The following ANK3 variants were observed in gnomAD, a reference collection of about 807,000 sequenced individuals.
ANK3 encodes the protein ankyrin 3, also known as ankyrin-3.
ANK3 carries 57 observed loss-of-function variants against 370.9 expected under a neutral mutation model. The observed-to-expected ratio is 0.15, with a 90% CI of 0.12 to 0.19. The LOEUF (loss-of-function observed/expected upper bound fraction) is 0.19, where lower values mean the gene tolerates loss of function less well. ANK3 is among the 10% of genes least tolerant of loss of function. The pLI, the probability that ANK3 is intolerant of heterozygous loss-of-function variation, is 1.00. For synonymous variants in ANK3, 1,929 were observed against 1,946.3 expected (o/e 0.99, Z 0.23); for missense variants, 4,439 against 5,302.1 (o/e 0.84, Z 5.06).
At chr10:60,626,573 C>A (rs1311726675) in intron 1 of ANK3, among the ~76,000 whole-genome samples, 2 of 152,122 alleles carry the variant, frequency 1.3e-5, no homozygotes, top group East Asian at 3.9e-4. Context: ...TCCAAGAAGA[C>A]CTTGGAAATT....
rs376674037 is a variant in ANK3, at chr10:60,206,507, T to C, written c.1195-617A>G. On this transcript the variant is annotated intron_variant, in intron 10 of 43. Coordinates refer to ENST00000280772, the MANE Select transcript of ANK3 (RefSeq NM_020987.5). ...AAATAATAATAATATGTCCCTCCTC[T>C]ACCTCATTTCAAATACAGACTGAAA... Among the ~76,000 whole-genome samples the C allele has an allele frequency of 4.6e-5, 7 of 152,300 alleles. No homozygotes were observed. In the East Asian group the frequency reaches 7.7e-4, roughly 17 times the overall value.
chr10:60,526,426 T>C (rs967326823), intron 2 of ANK3, among the ~76,000 whole-genome samples: 4 of 152,140 alleles, frequency 2.6e-5, no homozygotes, highest in Non-Finnish European at 5.9e-5. Context: ...CTTCTATACA[T>C]TGGAGTCCCT....
chr10:60,172,422 G>C lies in ANK3; in HGVS notation c.2383-19C>G. On this transcript the variant is annotated intron_variant, in intron 20 of 43. Transcript: ENST00000280772. ...TCCCATTCTGGCAAAAGGAAAATGT[G>C]AGTGAGGAATTAGCAAGCCTTATTC... The C allele has an allele frequency of 1.9e-6, 3 of 1,607,134 alleles. No homozygotes were observed. Among genetic ancestry groups the C allele is most frequent in the Non-Finnish European group, 2.6e-6 (3 of 1,173,828 alleles).
intron 1 of ANK3, among the ~76,000 whole-genome samples, chr10:60,632,740 A>G (rs529778538): frequency 6.6e-6 from 1 of 152,178 alleles, no homozygotes; most frequent in Admixed American, 6.5e-5. Context: ...ATTCAGTAAC[A>G]TTAGCCAGGC....
intron 2 of ANK3, among the ~76,000 whole-genome samples, chr10:60,433,830 A>G (rs968643319): frequency 4.6e-5 from 7 of 152,214 alleles, no homozygotes; most frequent in Admixed American, 4.6e-4. Flanking sequence ...GAGTACATAT[A>G]TCAAATGCAG....
rs191640413 is a variant in ANK3, at chr10:60,619,773, T to C, written c.58-4549A>G. On this transcript the variant is annotated intron_variant, in intron 1 of 43. Coordinates refer to the ANK3 transcript ENST00000373827. The stretch of plus-strand genomic sequence containing the variant: ...ACAGAACCTGAACCCAGGACTTCTG[T>C]TGTCAAATGCCAAGTTCCTCCTGTT... Among the ~76,000 whole-genome samples the C allele has an allele frequency of 1.9e-3, 294 of 152,300 alleles. 5 individuals are homozygous for C. The highest frequency in any genetic ancestry group is 3.3e-3 in the Non-Finnish European group (223 of 68,036).
intron 2 of ANK3, among the ~76,000 whole-genome samples, chr10:60,582,543 ACCAAGGC>A (rs1294690469): frequency 6.6e-6 from 1 of 151,888 alleles, no homozygotes; most frequent in Non-Finnish European, 1.5e-5. Flanking sequence ...GGCCAAGGTC[ACCAAGGC>A]CCAATGGGAC....
intron 16 of ANK3, among the ~76,000 whole-genome samples, chr10:60,191,531 C>T (rs937235716): frequency 6.6e-6 from 1 of 152,126 alleles, no homozygotes; most frequent in African/African-American, 2.4e-5. Context: ...CAATTAGATA[C>T]CATCTCACAC....
rs145944318 is a variant in ANK3 at position 60,557,879 on chromosome 10, T to C, written c.96+57307A>G. ...ACTGCATTGTTGTTATTAAATATAA[T>C]ATAGGATGGCAATTGAAATTCTACT... On this transcript the variant is annotated intron_variant, in intron 2 of 43. Coordinates refer to the ANK3 transcript ENST00000373827. Among the ~76,000 whole-genome samples the C allele has an allele frequency of 3.6e-4, 55 of 152,310 alleles. No individual in the cohort carries two copies. In the East Asian group the frequency reaches 0.011, roughly 29 times the overall value.
chr10:60,653,848 A>T (rs1411906776), intron 1 of ANK3, among the ~76,000 whole-genome samples: 3 of 152,224 alleles, frequency 2.0e-5, no homozygotes, highest in Non-Finnish European at 4.4e-5. Flanking sequence ...AGCTTGGGTG[A>T]CAGAGCAAGA....
chr10:60,071,380 T>C lies in ANK3; in HGVS notation c.9501A>G (p.Leu3167=), dbSNP rs1366023739. ...CCTCTGAACTGGGTGTTTCTGGGGT[T>C]AAAGGGCTTTTCCCAGAGCTGTCTA... is the stretch of plus-strand genomic sequence containing the variant. The part of the protein sequence containing the change: ...SFLDSSGKSP[L]TPETPSSEEV... The change falls in exon 37 of 44, where the codon TTA becomes TTG. Residue 3167 remains leucine (L), a synonymous_variant. Transcript: ENST00000280772. The C allele has an allele frequency of 6.2e-7, 1 of 1,613,982 alleles. No homozygotes were observed. Among genetic ancestry groups the C allele is most frequent in the African/African-American group, 1.3e-5 (1 of 74,920 alleles).
rs371879521 is a variant in ANK3, at chr10:60,064,299, G to T, written c.12320-11C>A. On this transcript the variant is annotated splice_polypyrimidine_tract_variant and intron_variant, in intron 38 of 43. Coordinates refer to ENST00000280772, the MANE Select transcript of ANK3 (RefSeq NM_020987.5). Reference sequence around the variant, plus strand: ...GTTCCCTTGCCAGTTCTGTAGAAAAGAAAGAGAGTTACTAAGATTGCATAT... The same window carrying T: ...GTTCCCTTGCCAGTTCTGTAGAAAATAAAGAGAGTTACTAAGATTGCATAT... 2.0e-5 allele frequency: 31 copies of T among 1,557,662 alleles called. No homozygotes were observed. Among genetic ancestry groups the T allele is most frequent in the Non-Finnish European group, 2.6e-5 (30 of 1,163,364 alleles).
rs72811837 is a variant in ANK3 at position 60,703,674 on chromosome 10, G to A, written c.57+29589C>T. ...TGAAGTATTTCAAAAATACCGAAAA[G>A]CATAATAGAACCAACAGCTATGTAT... is the stretch of plus-strand genomic sequence containing the variant. On this transcript the variant is annotated intron_variant, in intron 1 of 43. Coordinates refer to the ANK3 transcript ENST00000373827. Among the ~76,000 whole-genome samples the A allele has an allele frequency of 5.6e-3, 854 of 152,162 alleles. 4 individuals are homozygous for A. The highest frequency in any genetic ancestry group is 0.01 in the Middle Eastern group (3 of 294).
chr10:60,480,782 G>A (rs1459805016), intron 2 of ANK3, among the ~76,000 whole-genome samples: 2 of 152,190 alleles, frequency 1.3e-5, no homozygotes, highest in African/African-American at 4.8e-5. Context: ...TTGCCAAAAA[G>A]TCACTCAAAT....
At chr10:60,382,301 A>T (rs2061652424) in intron 1 of ANK3, among the ~76,000 whole-genome samples, 1 of 152,098 alleles carries the variant, frequency 6.6e-6, no homozygotes, top group Non-Finnish European at 1.5e-5. Context: ...TTCTTCTGCC[A>T]AAAGGTAAGC....
intron 43 of ANK3, among the ~76,000 whole-genome samples, chr10:60,031,470 A>G (rs1207427694): frequency 6.6e-6 from 1 of 152,228 alleles, no homozygotes; most frequent in Admixed American, 6.5e-5. Flanking sequence ...AGTTCTTCCC[A>G]TATATTGTCT....
At position 60,072,524 on chromosome 10, in the gene ANK3, A is replaced by G. The variant is rs530841877; in HGVS notation, c.8357T>C (p.Val2786Ala). 2.8e-5 allele frequency: 45 copies of G among 1,613,588 alleles called. No individual in the cohort carries two copies. The South Asian group carries it at 4.4e-4, about 16-fold the overall frequency. Residue 2786 changes from valine to alanine, a missense_variant, in exon 37 of 44, where the codon GTA (valine) becomes GCA (alanine). By Grantham distance (64) the Val-to-Ala change is moderately conservative (BLOSUM62 0). Around this residue, in one of 13 missense-constraint regions of ANK3, gnomAD observed 1,601 missense variants for 1,731.7 expected, o/e 0.92. Coordinates refer to ENST00000280772, the MANE Select transcript of ANK3 (RefSeq NM_020987.5). ...ESVSVQKDFM[V>A]LKTKDEHAQS... Reference sequence around the variant, plus strand: ...GGCATGCTCATCTTTGGTTTTTAATACCATAAAATCTTTTTGCACAGATAC... The same window carrying G: ...GGCATGCTCATCTTTGGTTTTTAATGCCATAAAATCTTTTTGCACAGATAC...
At chr10:60,412,079 CAATGGCTGCTGGTTAGGAAGCA>C (rs1440409398) in intron 2 of ANK3, among the ~76,000 whole-genome samples, 1 of 152,112 alleles carries the variant, frequency 6.6e-6, no homozygotes, top group Non-Finnish European at 1.5e-5. Flanking sequence ...GGGGATTCCT[CAATGGCTGCTGGTTAGGAAGCA>C]AGTGGGAAGA....
intron 1 of ANK3, among the ~76,000 whole-genome samples, chr10:60,720,915 T>G (rs1177577887): frequency 1.3e-5 from 2 of 152,120 alleles, no homozygotes; most frequent in Non-Finnish European, 2.9e-5. Flanking sequence ...GCCCAGACCT[T>G]TTGAAGGTCA....
Sources: allele counts gnomAD v4.1 joint callset (sites outside exome capture counted in the v4.1 genomes callset), GRCh38; gene constraint gnomAD v4.1.1; regional missense constraint gnomAD v4.1.1; transcripts MANE v1.5; gene names NCBI Gene and HGNC (gene_info 2026-07-23, HGNC 2026-07-21).